Variants in IMPA2 observed in about 807,000 individuals in gnomAD.
IMPA2 encodes inositol monophosphatase 2, also known as IMP 2.
Under a neutral mutation model 35.1 loss-of-function variants are expected in IMPA2, and 32 were observed. The ratio of observed to expected loss-of-function variants is 0.91; its 90% CI spans 0.69 to 1.23. The LOEUF is 1.23. Ranked by LOEUF, IMPA2 falls within the 50% of genes most tolerant of loss-of-function variation. The pLI, the probability that IMPA2 is intolerant of heterozygous loss-of-function variation, is 0.00. For synonymous variants in IMPA2, 135 were observed against 160.6 expected, an observed-to-expected ratio of 0.84 and a Z score of 1.20; for missense variants, 334 against 387.6, an observed-to-expected ratio of 0.86 and a Z score of 1.16.
chr18:12,029,975 G>T (rs1003495687), intron 7 of IMPA2, among the ~76,000 whole-genome samples: 19 of 152,228 alleles, frequency 1.2e-4, no homozygotes, highest in African/African-American at 4.3e-4. Flanking sequence ...GGTTTCACAA[G>T]CCCCTGGCTG....
At chr18:12,027,149 C>G (rs1327639890) in intron 5 of IMPA2, among the ~76,000 whole-genome samples, 1 of 152,222 alleles carries the variant, frequency 6.6e-6, no homozygotes, top group African/African-American at 2.4e-5. Flanking sequence ...TGGTTTGGCA[C>G]TGTCCTGCCC....
chr18:11,990,954 G>A (rs1292474742), intron 1 of IMPA2, among the ~76,000 whole-genome samples: 1 of 152,218 alleles, frequency 6.6e-6, no homozygotes, highest in Non-Finnish European at 1.5e-5. Context: ...ATGTACATGT[G>A]AACTGCTCAG....
In IMPA2 at chr18:12,030,760, A is replaced by AT; in HGVS notation, c.*307dup. On this transcript the variant is annotated 3_prime_UTR_variant, in exon 8 of 8. Transcript: ENST00000269159. ...AATACGTATTGATAATCCAATCTTG[A>AT]TTTTTCCCCCCAGAATATAAATCTC... 3.0e-6 allele frequency: 1 copy of AT among 329,614 alleles called. No individual in the cohort carries two copies. Among genetic ancestry groups the AT allele is most frequent in the Non-Finnish European group, 5.6e-6 (1 of 177,878 alleles). The allele number at this position is 329,614 out of a possible 1,614,324, so 20.4% of individuals were successfully genotyped here.
At chr18:12,002,925 G>T (rs939553813) in intron 2 of IMPA2, among the ~76,000 whole-genome samples, 11 of 151,776 alleles carry the variant, frequency 7.2e-5, no homozygotes, top group Non-Finnish European at 7.4e-5. Context: ...GGGCGCGGTG[G>T]TTTACACCTG....
intron 1 of IMPA2, among the ~76,000 whole-genome samples, chr18:11,984,315 C>G (rs1248281364): frequency 1.3e-5 from 2 of 152,340 alleles, no homozygotes; most frequent in Non-Finnish European, 2.9e-5. Flanking sequence ...TCCAGCCACC[C>G]ACACTGTGAC....
rs776038064 is a variant in IMPA2 at position 12,009,855 on chromosome 18, TTTCTCAGGCTGGG to T, written c.231-23_231-11del. 65 of 1,582,376 alleles carry T rather than the reference TTTCTCAGGCTGGG, an allele frequency of 4.1e-5. 1 individual carries two copies. In the South Asian group the frequency reaches 6.0e-4, roughly 15 times the overall value. On this transcript the variant is annotated splice_polypyrimidine_tract_variant and intron_variant, in intron 2 of 7. Transcript: ENST00000269159. Reference sequence around the variant, plus strand: ...ACGTTATTCTGTGTCCTTGGTGCATTTTCTCAGGCTGGGTTCTTCCACTGCAGGTTCATTGCAG... The same window carrying T: ...ACGTTATTCTGTGTCCTTGGTGCATTTTCTTCCACTGCAGGTTCATTGCAG...
At chr18:12,004,425 A>T (rs531940919) in intron 2 of IMPA2, among the ~76,000 whole-genome samples, 22 of 152,360 alleles carry the variant, frequency 1.4e-4, no homozygotes, top group African/African-American at 4.3e-4. Flanking sequence ...CCAAACTTTT[A>T]GCCTTAATCC....
At chr18:12,017,009 A>G (rs531163897) in intron 5 of IMPA2, among the ~76,000 whole-genome samples, 3 of 151,436 alleles carry the variant, frequency 2.0e-5, no homozygotes, top group Non-Finnish European at 2.9e-5. Context: ...AAGCACCACT[A>G]ATCTCTCTCT....
rs879742551 is a variant in IMPA2 at position 11,997,027 on chromosome 18, C to T, written c.97-2027C>T. Among the ~76,000 whole-genome samples, 7 of 152,102 alleles carry T rather than the reference C, an allele frequency of 4.6e-5. No individual in the cohort carries two copies. The East Asian group carries it at 7.7e-4, about 17-fold the overall frequency. On this transcript the variant is annotated intron_variant, in intron 1 of 7. Coordinates refer to ENST00000269159, the MANE Select transcript of IMPA2 (RefSeq NM_014214.3). Reference sequence around the variant, plus strand: ...ACACACACACACACAGAGATACACACAGAGACACACACCCTGACTCCCCCC... The same window carrying T: ...ACACACACACACACAGAGATACACATAGAGACACACACCCTGACTCCCCCC...
chr18:11,982,120 GC>G (rs1276106399), intron 1 of IMPA2, among the ~76,000 whole-genome samples: 2 of 152,176 alleles, frequency 1.3e-5, no homozygotes, highest in African/African-American at 4.8e-5. Flanking sequence ...GCGGTAGGAA[GC>G]CCGGGGCTAA....
chr18:12,007,676 T>TTTCTTTCTTTCC lies in IMPA2; in HGVS notation c.231-2204_231-2203insTTTCTTTCCTTC, dbSNP rs1568032979. Among the ~76,000 whole-genome samples the TTTCTTTCTTTCC allele has an allele frequency of 1.2e-4, 13 of 111,360 alleles. No individual in the cohort carries two copies. In the South Asian group the frequency reaches 2.2e-3, roughly 19 times the overall value. The allele number at this position is 111,360 out of a possible 152,430, so 73.1% of individuals were successfully genotyped here. ...CTTTCTTTCTTTCTTTCTTTCTTTCTTTCCTTTCTTTCCTTTCTTTCCTTT... is the reference window on the plus strand; with the variant it reads ...CTTTCTTTCTTTCTTTCTTTCTTTCTTTCTTTCTTTCCTTCCTTTCTTTCCTTTCTTTCCTTT... On this transcript the variant is annotated intron_variant, in intron 2 of 7. Transcript: ENST00000269159.
chr18:12,012,235 C>A lies in IMPA2; in HGVS notation c.381+20C>A. The stretch of plus-strand genomic sequence containing the variant: ...CAAGAGGTGCGGGTGTGGCCCAGGT[C>A]CCCAGGGCCCCTCCCTGGGCTCCCT... On this transcript the variant is annotated intron_variant, in intron 4 of 7. Transcript: ENST00000269159. 1 of 1,605,534 alleles carries A rather than the reference C, an allele frequency of 6.2e-7. No homozygotes were observed. The highest frequency in any genetic ancestry group is 1.1e-5 in the South Asian group (1 of 90,922).
At chr18:12,023,639 A>G (rs1907797080) in intron 5 of IMPA2, among the ~76,000 whole-genome samples, 2 of 152,160 alleles carry the variant, frequency 1.3e-5, no homozygotes, top group Non-Finnish European at 1.5e-5. Context: ...CTTTAAGAGT[A>G]GGTGCTTATC....
rs943784202 is a variant in IMPA2 at position 12,014,459 on chromosome 18, G to A, written c.490+86G>A. The A allele has an allele frequency of 3.9e-6, 3 of 762,040 alleles. No homozygotes were observed. The African/African-American group carries it at 5.3e-5, about 13-fold the overall frequency. The allele number at this position is 762,040 out of a possible 1,614,324, so 47.2% of individuals were successfully genotyped here. A position where few individuals can be genotyped will look rare whatever the true frequency, so the allele number is the denominator to read the frequency against. ...CAAAGCCACCATGATGTGGGACGGT[G>A]GTGGAGGTCCCTTGCTGATGGTGTC... is the stretch of plus-strand genomic sequence containing the variant. On this transcript the variant is annotated intron_variant, in intron 5 of 7. Transcript: ENST00000269159.
In IMPA2 at chr18:12,028,163, A is replaced by G. The variant is rs760647818; in HGVS notation, c.599+12A>G. 6.5e-7 allele frequency: 1 copy of G among 1,542,798 alleles called. No homozygotes were observed. The highest frequency in any genetic ancestry group is 2.2e-5 in the East Asian group (1 of 44,558). On this transcript the variant is annotated intron_variant, in intron 6 of 7. Coordinates refer to ENST00000269159, the MANE Select transcript of IMPA2 (RefSeq NM_014214.3). ...GCCAAGGCGCATGGGTAGGAGGTTC[A>G]GTTCGGGGAACACCCTGCAGCCCGA...
chr18:12,024,716 C>T (rs1445412002), intron 5 of IMPA2, among the ~76,000 whole-genome samples: 2 of 151,892 alleles, frequency 1.3e-5, no homozygotes, highest in African/African-American at 4.8e-5. Context: ...TTGCTTTTCT[C>T]CCCCTCCCTC....
chr18:12,013,788 C>T (rs1568035161), intron 4 of IMPA2, among the ~76,000 whole-genome samples: 1 of 152,194 alleles, frequency 6.6e-6, no homozygotes, highest in Non-Finnish European at 1.5e-5. Flanking sequence ...CAGTCTGCGG[C>T]GGTGCCTCTT....
intron 1 of IMPA2, among the ~76,000 whole-genome samples, chr18:11,990,751 T>C (rs939209627): frequency 2.6e-5 from 4 of 152,206 alleles, no homozygotes; most frequent in African/African-American, 7.2e-5. Context: ...AAGTAATCAA[T>C]TGTGACGGCT....
chr18:12,006,434 C>T (rs1005302353), intron 2 of IMPA2, among the ~76,000 whole-genome samples: 3 of 152,040 alleles, frequency 2.0e-5, no homozygotes, highest in African/African-American at 4.8e-5. Flanking sequence ...GATGAAGAAC[C>T]AGAAGCCTGG....
Sources: gnomAD v4.1 joint callset for allele counts (sites outside exome capture counted in the v4.1 genomes callset) on GRCh38, gnomAD v4.1.1 for gene constraint, MANE v1.5 for transcripts, NCBI Gene and HGNC (gene_info 2026-07-23, HGNC 2026-07-21) for gene names.